Variants in TAFA1 observed in about 807,000 individuals in gnomAD.
TAFA1 encodes TAFA chemokine like family member 1, also known as chemokine-like protein TAFA-1.
A neutral mutation model predicts 18.5 loss-of-function variants in TAFA1; 4 were observed. That is an observed-to-expected ratio of 0.22 (90% CI 0.11 to 0.49). TAFA1 has a LOEUF of 0.49. Ranked by LOEUF, TAFA1 falls within the 20% of genes least tolerant of loss-of-function variation. The probability of loss-of-function intolerance (pLI) is 0.98; values close to 1 mark genes in which losing one functional copy is unlikely to be tolerated. For synonymous variants in TAFA1, 56 were observed against 55.2 expected (o/e 1.01, Z -0.06); for missense variants, 147 against 169.0 (o/e 0.87, Z 0.72).
intron 2 of TAFA1, among the ~76,000 whole-genome samples, chr3:68,300,637 A>G (rs4066492): frequency 0.37 from 56,894 of 151,800 alleles, 11,183 homozygotes; most frequent in Non-Finnish European, 0.41. Context: ...GCAGAATTCT[A>G]TGGTTTGGCT....
At chr3:68,013,390 ACT>A (rs1321735135) in intron 2 of TAFA1, among the ~76,000 whole-genome samples, 1 of 152,046 alleles carries the variant, frequency 6.6e-6, no homozygotes, top group African/African-American at 2.4e-5. Context: ...TAGATATTTG[ACT>A]CTATTCAATT....
At position 68,145,743 on chromosome 3, in the gene TAFA1, C is replaced by T. The variant is rs2065731581; in HGVS notation, c.118+138999C>T. The T allele has an allele frequency of 5.6e-5, 35 of 626,450 alleles. No homozygotes were observed. The East Asian group carries it at 9.9e-4, about 18-fold the overall frequency. The allele number at this position is 626,450 out of a possible 1,614,324, so 38.8% of individuals were successfully genotyped here. On this transcript the variant is annotated intron_variant, in intron 2 of 4. Coordinates refer to ENST00000478136, the MANE Select transcript of TAFA1 (RefSeq NM_213609.4). ...TGGATGGCTTAAGCACCTCAGCATTCCTTACTATGTGATAAAATACATATA... is the reference window on the plus strand; with the variant it reads ...TGGATGGCTTAAGCACCTCAGCATTTCTTACTATGTGATAAAATACATATA...
At chr3:68,288,330 A>ATT (rs1175592040) in intron 2 of TAFA1, among the ~76,000 whole-genome samples, 19 of 152,114 alleles carry the variant, frequency 1.2e-4, no homozygotes, top group Non-Finnish European at 2.2e-4. Context: ...GCTAAGGTAA[A>ATT]GCTATCCTTG....
intron 2 of TAFA1, among the ~76,000 whole-genome samples, chr3:68,016,712 T>C (rs1704577556): frequency 6.6e-6 from 1 of 152,206 alleles, no homozygotes; most frequent in South Asian, 2.1e-4. Flanking sequence ...CATGACTGTA[T>C]TTGTAATTAT....
At chr3:68,474,443 A>G (rs1320696812) in intron 3 of TAFA1, among the ~76,000 whole-genome samples, 4 of 152,164 alleles carry the variant, frequency 2.6e-5, no homozygotes, top group South Asian at 4.1e-4. Context: ...TCTACCATCC[A>G]TAGAAGCAAG....
intron 2 of TAFA1, among the ~76,000 whole-genome samples, chr3:68,077,931 C>G: frequency 6.6e-6 from 1 of 152,140 alleles, no homozygotes; most frequent in Non-Finnish European, 1.5e-5. Context: ...ATTGATTCTT[C>G]CTACCCATGA....
At chr3:68,327,409 A>T (rs1033532579) in intron 2 of TAFA1, among the ~76,000 whole-genome samples, 1 of 152,204 alleles carries the variant, frequency 6.6e-6, no homozygotes, top group South Asian at 2.1e-4. Context: ...TTTTACAAAA[A>T]CTTGAAAGTA....
At chr3:68,078,996 A>T (rs1048172813) in intron 2 of TAFA1, among the ~76,000 whole-genome samples, 2 of 152,120 alleles carry the variant, frequency 1.3e-5, no homozygotes, top group Admixed American at 6.5e-5. Context: ...AGAGCCTGTT[A>T]TTGGTCTATT....
chr3:68,020,586 C>T (rs1185668379), intron 2 of TAFA1, among the ~76,000 whole-genome samples: 2 of 152,020 alleles, frequency 1.3e-5, no homozygotes, highest in South Asian at 2.1e-4. Flanking sequence ...AAGGATGGAA[C>T]AGATAAACTG....
At chr3:68,409,987 T>C (rs1374450018) in intron 2 of TAFA1, among the ~76,000 whole-genome samples, 1 of 152,170 alleles carries the variant, frequency 6.6e-6, no homozygotes, top group Non-Finnish European at 1.5e-5. Flanking sequence ...TTTATCTTCC[T>C]TATTTCCTCA....
intron 2 of TAFA1, among the ~76,000 whole-genome samples, chr3:68,016,588 G>A (rs1704575338): frequency 6.6e-6 from 1 of 152,144 alleles, no homozygotes; most frequent in African/African-American, 2.4e-5. Flanking sequence ...ATATAGCCTA[G>A]GTGGGTAGTA....
intron 2 of TAFA1, among the ~76,000 whole-genome samples, chr3:68,328,842 A>C (rs2068815748): frequency 6.6e-6 from 1 of 152,166 alleles, no homozygotes; most frequent in Non-Finnish European, 1.5e-5. Flanking sequence ...AATGGTAGGA[A>C]ACAATGATAT....
chr3:68,346,209 T>C (rs931972947), intron 2 of TAFA1, among the ~76,000 whole-genome samples: 2 of 152,180 alleles, frequency 1.3e-5, no homozygotes, highest in Admixed American at 1.3e-4. Context: ...CAGGCTGTAG[T>C]GCAGTGGCAT....
At chr3:68,411,664 TAAAAA>T (rs1382261056) in intron 2 of TAFA1, among the ~76,000 whole-genome samples, 2 of 152,188 alleles carry the variant, frequency 1.3e-5, no homozygotes, top group Admixed American at 1.3e-4. Flanking sequence ...TACCAAATTT[TAAAAA>T]TAGAATATCT....
At chr3:68,295,715 T>C (rs899941129) in intron 2 of TAFA1, among the ~76,000 whole-genome samples, 3 of 152,186 alleles carry the variant, frequency 2.0e-5, no homozygotes, top group African/African-American at 7.2e-5. Flanking sequence ...CAAACAATCC[T>C]TCTGCCTAAG....
intron 2 of TAFA1, among the ~76,000 whole-genome samples, chr3:68,174,296 T>C (rs1189414314): frequency 1.3e-5 from 2 of 152,218 alleles, no homozygotes; most frequent in African/African-American, 4.8e-5. Flanking sequence ...AGATCTCATC[T>C]TGGAGTCCCA....
At chr3:68,262,276 A>T (rs4396898) in intron 2 of TAFA1, among the ~76,000 whole-genome samples, 60,056 of 118,104 alleles carry the variant, frequency 0.51, 15,809 homozygotes, top group East Asian at 0.68. Context: ...TTTTTTTTTT[A>T]AATTTTCAGC....
chr3:68,498,590 C>T (rs1310781694), intron 3 of TAFA1, among the ~76,000 whole-genome samples: 1 of 151,950 alleles, frequency 6.6e-6, no homozygotes, highest in Non-Finnish European at 1.5e-5. Flanking sequence ...AATTACAGAG[C>T]CCAAGATGTC....
intron 2 of TAFA1, among the ~76,000 whole-genome samples, chr3:68,372,187 A>G (rs2069719919): frequency 6.6e-6 from 1 of 152,226 alleles, no homozygotes; most frequent in Non-Finnish European, 1.5e-5. Context: ...ACAAAGAATC[A>G]TAGACATTAG....
Sources: allele counts gnomAD v4.1 joint callset (sites outside exome capture counted in the v4.1 genomes callset), GRCh38; gene constraint gnomAD v4.1.1; transcripts MANE v1.5; gene names NCBI Gene and HGNC (gene_info 2026-07-23, HGNC 2026-07-21).